Variants in RGS9 observed in about 807,000 individuals in gnomAD.
RGS9 encodes regulator of G-protein signalling 9.
RGS9 carries 78 observed loss-of-function variants against 102.0 expected under a neutral mutation model. That is an observed-to-expected ratio of 0.76 (90% CI 0.64 to 0.92). The LOEUF (loss-of-function observed/expected upper bound fraction) is 0.92. Among genes scored for constraint, RGS9 ranks in the 40% least tolerant of loss-of-function variants. The pLI is 0.00. For missense variants in RGS9, 833 were observed against 866.1 expected (o/e 0.96, Z 0.48); for synonymous variants, 353 against 318.6 (o/e 1.11, Z -1.15).
rs115356356 is a variant in RGS9, at chr17:65,220,939, A to G, written c.1408-4063A>G. Among the ~76,000 whole-genome samples the G allele has an allele frequency of 8.3e-3, 1,269 of 152,200 alleles. 17 individuals carry two copies. Among genetic ancestry groups the G allele is most frequent in the African/African-American group, 0.029 (1,206 of 41,522 alleles). On this transcript the variant is annotated intron_variant, in intron 17 of 18. Coordinates refer to ENST00000262406, the MANE Select transcript of RGS9 (RefSeq NM_003835.4). ...CTCTGTGGTGTCACATTTCTTTGCC[A>G]TGTGTCATGCATGCCACTGCTTTGC... is the stretch of plus-strand genomic sequence containing the variant.
chr17:65,176,118 G>C (rs1423883360), intron 8 of RGS9, among the ~76,000 whole-genome samples: 4 of 152,120 alleles, frequency 2.6e-5, no homozygotes, highest in Non-Finnish European at 5.9e-5. Context: ...CTGAGCAATG[G>C]GTGGATGCCT....
At position 65,188,278 on chromosome 17, in the gene RGS9, C is replaced by T. The variant is rs115141710; in HGVS notation, c.655-1008C>T. 9.1e-3 allele frequency among the ~76,000 whole-genome samples: 1,382 copies of T among 152,302 alleles called. 21 individuals are homozygous for T. Among genetic ancestry groups the T allele is most frequent in the African/African-American group, 0.032 (1,318 of 41,558 alleles). On this transcript the variant is annotated intron_variant, in intron 9 of 18. Coordinates refer to ENST00000262406, the MANE Select transcript of RGS9 (RefSeq NM_003835.4). The stretch of plus-strand genomic sequence containing the variant: ...GAAGCCCCTCTTGGAACTGTCCTTT[C>T]TTTCTCTGCCTTAACTCAAAAAGTT...
intron 1 of RGS9, among the ~76,000 whole-genome samples, chr17:65,145,923 G>A (rs1013075100): frequency 1.3e-5 from 2 of 152,036 alleles, no homozygotes; most frequent in Non-Finnish European, 2.9e-5. Context: ...AAATGTTCCC[G>A]AGGTCCACGT....
At chr17:65,193,694 T>A in intron 12 of RGS9, 38 bp downstream of exon 12, 1 of 1,295,794 alleles carries the variant, frequency 7.7e-7, no homozygotes, top group Non-Finnish European at 1.1e-6. Flanking sequence ...TAAAAAACCG[T>A]TTTTGAGTTA....
chr17:65,176,710 ACCATCCATCCAT>A lies in RGS9; in HGVS notation c.583-990_583-979del, dbSNP rs3034105. ...ACTCATCCATCCATCTACTCACTCA[ACCATCCATCCAT>A]CCATCCATCCATCCATCCATCCATC... On this transcript the variant is annotated intron_variant, in intron 8 of 18. Transcript: ENST00000262406. Among the ~76,000 whole-genome samples the A allele has an allele frequency of 2.9e-3, 429 of 147,246 alleles. 4 individuals carry two copies. Among genetic ancestry groups the A allele is most frequent in the South Asian group, 6.2e-3 (28 of 4,490 alleles).
chr17:65,154,373 T>G (rs1463242962), intron 2 of RGS9, among the ~76,000 whole-genome samples: 1 of 152,206 alleles, frequency 6.6e-6, no homozygotes, highest in Non-Finnish European at 1.5e-5. Flanking sequence ...GACTAAAGTC[T>G]TCCTCTGAGG....
chr17:65,186,472 G>A (rs2144055598), intron 9 of RGS9, among the ~76,000 whole-genome samples: 1 of 152,220 alleles, frequency 6.6e-6, no homozygotes, highest in South Asian at 2.1e-4. Context: ...CAAAGAGCTG[G>A]GGTTACAGGC....
intron 17 of RGS9, among the ~76,000 whole-genome samples, chr17:65,220,032 C>T (rs1464448266): frequency 6.6e-6 from 1 of 151,916 alleles, no homozygotes; most frequent in Non-Finnish European, 1.5e-5. Context: ...CCACTACCAT[C>T]ATCACCATCA....
intron 7 of RGS9, among the ~76,000 whole-genome samples, chr17:65,167,083 G>A (rs557194974): frequency 1.3e-5 from 2 of 152,270 alleles, no homozygotes; most frequent in African/African-American, 4.8e-5. Context: ...GGGGGCCCAC[G>A]GCGGGATCAT....
chr17:65,204,439 G>A (rs1365463253), intron 15 of RGS9, 138 bp downstream of exon 15: 1 of 1,029,592 alleles, frequency 9.7e-7, no homozygotes, highest in African/African-American at 1.6e-5. Context: ...AGCTAAGCAT[G>A]GGGGCTCATG....
chr17:65,153,446 C>T lies in RGS9; in HGVS notation c.82C>T (p.Gln28Ter), dbSNP rs1910656890. 5 of 1,614,134 alleles carry T rather than the reference C, an allele frequency of 3.1e-6. No homozygotes were observed. The highest frequency in any genetic ancestry group is 3.4e-6 in the Non-Finnish European group (4 of 1,179,954). ...GATTGAAGCGCTCGTGAAGGACATG[C>T]AGAACCCAGAGACAGGGGTCCGAAT... ...QKIEALVKDMQNPETGVRMQN... is the reference protein window; with the variant it reads ...QKIEALVKDM Residue 28 changes from glutamine (Q) to a stop codon, truncating the protein, a stop_gained, in exon 2 of 19, where the codon CAG (glutamine) becomes TAG (stop). Coordinates refer to ENST00000262406, the MANE Select transcript of RGS9 (RefSeq NM_003835.4). LOFTEE classifies it high-confidence loss of function.
rs569389572 is a variant in RGS9, at chr17:65,198,992, C to T, written c.976+1751C>T. Among the ~76,000 whole-genome samples, 117 of 152,268 alleles carry T rather than the reference C, an allele frequency of 7.7e-4. 1 individual carries two copies. The highest frequency in any genetic ancestry group is 1.4e-3 in the Non-Finnish European group (96 of 68,024). On this transcript the variant is annotated intron_variant, in intron 13 of 18. Coordinates refer to ENST00000262406, the MANE Select transcript of RGS9 (RefSeq NM_003835.4). ...ACACCCTGAATTTATTATCTCCCCC[C>T]CACTAATTCCTTAGTGAGAATCCAG...
chr17:65,215,294 C>T (rs80209588), intron 17 of RGS9, among the ~76,000 whole-genome samples: 1,689 of 152,118 alleles, frequency 0.011, 29 homozygotes, highest in African/African-American at 0.039. Context: ...TTAAAGAAGA[C>T]CCAGAGATTT....
intron 3 of RGS9, 139 bp from the exon 4 acceptor site, chr17:65,160,094 C>G: frequency 6.5e-6 from 5 of 765,126 alleles, no homozygotes; most frequent in Admixed American, 5.5e-5. Context: ...AGTTCAGCAA[C>G]CAGTGTCCTC....
chr17:65,137,380 G>A lies in RGS9; in HGVS notation c.-161G>A, dbSNP rs1012142606. 7.3e-6 allele frequency: 5 copies of A among 684,382 alleles called. No homozygotes were observed. Among genetic ancestry groups the A allele is most frequent in the Admixed American group, 4.5e-5 (2 of 44,494 alleles). 42.4% of individuals were successfully genotyped at this position (684,382 alleles called of 1,614,324 possible). ...TCCAGCTGCTTTCCAAGTCAGCGGC[G>A]CCTAGTGAGAGTCAGGGGGGCCCGG... On this transcript the variant is annotated 5_prime_UTR_variant, in exon 1 of 19. Transcript: ENST00000262406.
chr17:65,211,459 A>T (rs1192345299), intron 17 of RGS9, among the ~76,000 whole-genome samples: 1 of 152,242 alleles, frequency 6.6e-6, no homozygotes, highest in African/African-American at 2.4e-5. Flanking sequence ...TGATGTCTTC[A>T]TTCATGGGAA....
Position 65,189,325 on chromosome 17 carries a change from C to T in RGS9, c.684+10C>T, listed in dbSNP as rs1406392527. On this transcript the variant is annotated intron_variant, in intron 10 of 18. Coordinates refer to ENST00000262406, the MANE Select transcript of RGS9 (RefSeq NM_003835.4). Reference sequence around the variant, plus strand: ...TGCTGTCAAAAAAGAGGTAATTAGTCTTACACTTCCAGTGAAGAATGGTTT... The same window carrying T: ...TGCTGTCAAAAAAGAGGTAATTAGTTTTACACTTCCAGTGAAGAATGGTTT... 1 of 1,601,318 alleles carries T rather than the reference C, an allele frequency of 6.2e-7. No individual in the cohort carries two copies. Among genetic ancestry groups the T allele is most frequent in the Admixed American group, 1.7e-5 (1 of 59,992 alleles).
chr17:65,162,626 C>T (rs983843177), intron 6 of RGS9, among the ~76,000 whole-genome samples: 2 of 149,364 alleles, frequency 1.3e-5, no homozygotes, highest in African/African-American at 4.9e-5. Context: ...CCACGCCTGG[C>T]TAATTTTTTG....
At chr17:65,198,010 C>T (rs1912663880) in intron 13 of RGS9, among the ~76,000 whole-genome samples, 1 of 152,096 alleles carries the variant, frequency 6.6e-6, no homozygotes, top group Non-Finnish European at 1.5e-5. Context: ...CACATTCAGT[C>T]TGCCTGGGGA....
Sources: gnomAD v4.1 joint callset for allele counts (sites outside exome capture counted in the v4.1 genomes callset) on GRCh38, gnomAD v4.1.1 for gene constraint, MANE v1.5 for transcripts, NCBI Gene and HGNC (gene_info 2026-07-23, HGNC 2026-07-21) for gene names.